RRP15: variants seen among roughly 807,000 people sequenced by gnomAD.
RRP15 encodes the protein ribosomal RNA processing 15 homolog.
In RRP15, 18 loss-of-function variants were observed where a neutral mutation model predicts 27.1. The ratio of observed to expected loss-of-function variants is 0.66; its 90% CI spans 0.46 to 0.98. The LOEUF (loss-of-function observed/expected upper bound fraction) is 0.98, where lower values mean the gene tolerates loss of function less well. Ranked by LOEUF, RRP15 falls within the 50% of genes least tolerant of loss-of-function variation. RRP15 has a pLI of 0.00. For synonymous variants in RRP15, 107 were observed against 109.4 expected (o/e 0.98, Z 0.14); for missense variants, 359 against 337.8 (o/e 1.06, Z -0.49).
chr1:218,315,573 G>A (rs975341232), intron 4 of RRP15, among the ~76,000 whole-genome samples: 4 of 151,566 alleles, frequency 2.6e-5, no homozygotes, highest in East Asian at 1.9e-4. Context: ...GATTACAGGC[G>A]CATGCCACCG....
chr1:218,291,820 G>A (rs530120188), intron 1 of RRP15, among the ~76,000 whole-genome samples: 10 of 151,858 alleles, frequency 6.6e-5, no homozygotes, highest in South Asian at 6.3e-4. Context: ...GTGAGCCACC[G>A]CGGCTGGCCC....
chr1:218,327,468 T>G (rs1656292070), intron 4 of RRP15, among the ~76,000 whole-genome samples: 2 of 152,062 alleles, frequency 1.3e-5, no homozygotes, highest in Admixed American at 1.3e-4. Context: ...ATGCGTAGGC[T>G]ATTTTTTGTA....
chr1:218,290,460 G>GTT (rs1479488526), intron 1 of RRP15, among the ~76,000 whole-genome samples: 1 of 151,964 alleles, frequency 6.6e-6, no homozygotes, highest in Non-Finnish European at 1.5e-5. Flanking sequence ...TTGTTTGTTT[G>GTT]TTTGTTTTTG....
intron 1 of RRP15, among the ~76,000 whole-genome samples, chr1:218,295,883 C>T (rs895615372): frequency 6.6e-6 from 1 of 151,952 alleles, no homozygotes; most frequent in Non-Finnish European, 1.5e-5. Context: ...TTATGGAAAC[C>T]TGGGATGACT....
intron 4 of RRP15, among the ~76,000 whole-genome samples, chr1:218,311,797 A>G (rs1655999520): frequency 6.6e-6 from 1 of 152,058 alleles, no homozygotes; most frequent in Admixed American, 6.6e-5. Context: ...TTTTTTATTG[A>G]TATGTTGGCC....
rs750072430 is a variant in RRP15, at chr1:218,309,192, A to T, written c.705+1560A>T. ...ACTTAAGCCAAAGTGATTTTGCTCT[A>T]AAAGTAATTTGTTTCTAGAACACCC... On this transcript the variant is annotated intron_variant, in intron 4 of 4. Transcript: ENST00000366932. Among the ~76,000 whole-genome samples the T allele has an allele frequency of 6.1e-4, 93 of 152,324 alleles. 1 individual carries two copies. The highest frequency in any genetic ancestry group is 2.2e-3 in the African/African-American group (93 of 41,584).
chr1:218,290,206 G>T (rs1280213424), intron 1 of RRP15, among the ~76,000 whole-genome samples: 2 of 152,074 alleles, frequency 1.3e-5, no homozygotes, highest in South Asian at 4.1e-4. Context: ...CACATTGTTG[G>T]ACATCATGGT....
chr1:218,323,619 C>G (rs796097565), intron 4 of RRP15, among the ~76,000 whole-genome samples: 3 of 152,340 alleles, frequency 2.0e-5, no homozygotes, highest in African/African-American at 7.2e-5. Flanking sequence ...CCCTTCTACC[C>G]AGAAGCCTGT....
chr1:218,329,353 G>A (rs1353253265), intron 4 of RRP15, among the ~76,000 whole-genome samples: 5 of 151,510 alleles, frequency 3.3e-5, no homozygotes, highest in Non-Finnish European at 5.9e-5. Flanking sequence ...CTGGGAGGTC[G>A]AGGCTTCTGT....
rs1221400247 is a variant in RRP15 at position 218,333,131 on chromosome 1, C to G, written c.*2040C>G. On this transcript the variant is annotated 3_prime_UTR_variant, in exon 5 of 5. Coordinates refer to ENST00000366932, the MANE Select transcript of RRP15 (RefSeq NM_016052.4). Reference sequence around the variant, plus strand: ...TAAGGACGAGAATATTTGCAGATTTCCTTCGTTCCAAAATTATTTTATTCC... The same window carrying G: ...TAAGGACGAGAATATTTGCAGATTTGCTTCGTTCCAAAATTATTTTATTCC... 6.6e-6 allele frequency: 1 copy of G among 152,024 alleles called. No individual in the cohort carries two copies. Among genetic ancestry groups the G allele is most frequent in the African/African-American group, 2.4e-5 (1 of 41,388 alleles). 9.4% of individuals were successfully genotyped at this position (152,024 alleles called of 1,614,324 possible). A position where few individuals can be genotyped will look rare whatever the true frequency, so the allele number is the denominator to read the frequency against.
chr1:218,288,509 G>A (rs1158563718), intron 1 of RRP15, among the ~76,000 whole-genome samples: 1 of 152,104 alleles, frequency 6.6e-6, no homozygotes, highest in Non-Finnish European at 1.5e-5. Context: ...TTATCCTCCT[G>A]TTACATTTAA....
At chr1:218,294,698 T>G (rs1423958839) in intron 1 of RRP15, among the ~76,000 whole-genome samples, 1 of 152,094 alleles carries the variant, frequency 6.6e-6, no homozygotes, top group Non-Finnish European at 1.5e-5. Flanking sequence ...GCATGGTTGA[T>G]TAAATCATCG....
intron 1 of RRP15, among the ~76,000 whole-genome samples, chr1:218,294,602 T>C (rs907840432): frequency 1.3e-5 from 2 of 152,054 alleles, no homozygotes; most frequent in African/African-American, 4.8e-5. Flanking sequence ...TGTGCCGTCC[T>C]GCAGGAACCT....
rs1656471822 is a variant in RRP15 at position 218,337,773 on chromosome 1, A to G, written c.*6682A>G. ...CTTACTTATTCTGTTCTAGAATCCA[A>G]ACTCTACATACTGTTTAATAGAGCA... On this transcript the variant is annotated 3_prime_UTR_variant, in exon 5 of 5. Transcript: ENST00000366932. 1 of 152,118 alleles carries G rather than the reference A, an allele frequency of 6.6e-6. No homozygotes were observed. Among genetic ancestry groups the G allele is most frequent in the Non-Finnish European group, 1.5e-5 (1 of 68,000 alleles). The allele number at this position is 152,118 out of a possible 1,614,324, so 9.4% of individuals were successfully genotyped here.
intron 1 of RRP15, among the ~76,000 whole-genome samples, chr1:218,286,306 A>G (rs1412827891): frequency 1.3e-5 from 2 of 152,192 alleles, no homozygotes; most frequent in Admixed American, 1.3e-4. Context: ...TATGCCCCTC[A>G]CAAACCACTA....
rs998461565 is a variant in RRP15, at chr1:218,336,964, T to C, written c.*5873T>C. 1 of 152,328 alleles carries C rather than the reference T, an allele frequency of 6.6e-6. No homozygotes were observed. Among genetic ancestry groups the C allele is most frequent in the Non-Finnish European group, 1.5e-5 (1 of 68,028 alleles). The allele number at this position is 152,328 out of a possible 1,614,324, so 9.4% of individuals were successfully genotyped here. A position where few individuals can be genotyped will look rare whatever the true frequency, so the allele number is the denominator to read the frequency against. On this transcript the variant is annotated 3_prime_UTR_variant, in exon 5 of 5. Coordinates refer to ENST00000366932, the MANE Select transcript of RRP15 (RefSeq NM_016052.4). ...AGAAATACCAGTGTTCGTTGTTAGA[T>C]GAGAGACAGCATAATTTTGGAATCA...
chr1:218,316,220 C>T (rs1224944022), intron 4 of RRP15, among the ~76,000 whole-genome samples: 2 of 152,130 alleles, frequency 1.3e-5, no homozygotes, highest in Admixed American at 1.3e-4. Flanking sequence ...TACAGAACTG[C>T]TGTAGAAATC....
intron 1 of RRP15, 93 bp from the exon 2 acceptor site, chr1:218,302,201 G>A (rs547786711): frequency 3.6e-5 from 33 of 915,706 alleles, no homozygotes; most frequent in Middle Eastern, 2.3e-4. Context: ...CAAAAATGGG[G>A]ACAGGCAGAG....
rs188252348 is a variant in RRP15, at chr1:218,337,777, C to A, written c.*6686C>A. 2 of 152,108 alleles carry A rather than the reference C, an allele frequency of 1.3e-5. No homozygotes were observed. The highest frequency in any genetic ancestry group is 2.9e-5 in the Non-Finnish European group (2 of 67,998). The allele number at this position is 152,108 out of a possible 1,614,324, so 9.4% of individuals were successfully genotyped here. ...CTTATTCTGTTCTAGAATCCAAACT[C>A]TACATACTGTTTAATAGAGCATTAT... On this transcript the variant is annotated 3_prime_UTR_variant, in exon 5 of 5. Coordinates refer to ENST00000366932, the MANE Select transcript of RRP15 (RefSeq NM_016052.4).
Sources: gnomAD v4.1 joint callset for allele counts (sites outside exome capture counted in the v4.1 genomes callset) on GRCh38, gnomAD v4.1.1 for gene constraint, MANE v1.5 for transcripts, NCBI Gene and HGNC (gene_info 2026-07-23, HGNC 2026-07-21) for gene names.